The following PPP2R2B variants were observed in gnomAD, a reference collection of about 807,000 sequenced individuals.
PPP2R2B encodes protein phosphatase 2 regulatory subunit Bbeta, also known as serine/threonine-protein phosphatase 2A 55 kDa regulatory subunit B beta isoform.
A neutral mutation model predicts 46.0 loss-of-function variants in PPP2R2B; 5 were observed. The observed-to-expected ratio is 0.11, with a 90% confidence interval of 0.06 to 0.23. PPP2R2B has a LOEUF of 0.23. Among genes scored for constraint, PPP2R2B ranks in the 10% least tolerant of loss-of-function variants. The pLI is 1.00. For synonymous variants in PPP2R2B, 215 were observed against 206.7 expected (o/e 1.04, Z -0.34); for missense variants, 367 against 575.0 (o/e 0.64, Z 3.70).
intron 2 of PPP2R2B, among the ~76,000 whole-genome samples, chr5:146,776,637 A>G (rs928736070): frequency 2.6e-5 from 4 of 152,154 alleles, no homozygotes; most frequent in Non-Finnish European, 5.9e-5. Context: ...AATAACAAAA[A>G]TATATAAAAT....
At chr5:146,950,984 A>G (rs1274643395) in intron 1 of PPP2R2B, among the ~76,000 whole-genome samples, 2 of 152,062 alleles carry the variant, frequency 1.3e-5, no homozygotes, top group Non-Finnish European at 2.9e-5. Context: ...CTATGATGGT[A>G]TACAACCTCA....
rs140273606 is a variant in PPP2R2B, at chr5:147,010,797, C to T, written c.79+44868G>A. ...CCCTGATCTAGACTCCTCTATGTGT[C>T]TCACACTTACTCCATATCCAGTTGG... On this transcript the variant is annotated intron_variant, in intron 1 of 8. Coordinates refer to the PPP2R2B transcript ENST00000336640. Among the ~76,000 whole-genome samples the T allele has an allele frequency of 3.8e-3, 582 of 152,186 alleles. 2 individuals are homozygous for T. The highest frequency in any genetic ancestry group is 5.7e-3 in the Non-Finnish European group (387 of 68,014).
At chr5:146,781,967 G>T (rs1174190786) in intron 2 of PPP2R2B, among the ~76,000 whole-genome samples, 1 of 152,184 alleles carries the variant, frequency 6.6e-6, no homozygotes, top group East Asian at 1.9e-4. Flanking sequence ...GGCAGTTTCT[G>T]TTGAATGGTT....
chr5:146,688,276 T>C lies in PPP2R2B; in HGVS notation c.447+2852A>G, dbSNP rs1778631100. On this transcript the variant is annotated intron_variant, in intron 5 of 9. Coordinates refer to ENST00000394411, the MANE Select transcript of PPP2R2B (RefSeq NM_181675.4). The stretch of plus-strand genomic sequence containing the variant: ...TATAACAGAGGTTATATAGCAAATA[T>C]AACATGTCTCTCCAAAAAATAACAG... Among the ~76,000 whole-genome samples the C allele has an allele frequency of 3.3e-5, 5 of 151,760 alleles. No homozygotes were observed. In the South Asian group the frequency reaches 1.0e-3, roughly 32 times the overall value.
intron 1 of PPP2R2B, among the ~76,000 whole-genome samples, chr5:146,954,822 G>A (rs1125900): frequency 0.15 from 22,355 of 150,762 alleles, 2,206 homozygotes; most frequent in East Asian, 0.4. Context: ...TGATACTACT[G>A]AGTGTTTCCT....
chr5:146,742,602 A>C (rs1752944565), intron 2 of PPP2R2B, among the ~76,000 whole-genome samples: 1 of 152,204 alleles, frequency 6.6e-6, no homozygotes, highest in South Asian at 2.1e-4. Flanking sequence ...GTATAAAGGA[A>C]ACTATGAAAA....
intron 1 of PPP2R2B, among the ~76,000 whole-genome samples, chr5:146,903,741 T>A (rs1328773164): frequency 6.6e-6 from 1 of 152,132 alleles, no homozygotes; most frequent in Non-Finnish European, 1.5e-5. Flanking sequence ...TGCTTTAAAA[T>A]CAGATTGACC....
chr5:147,076,510 T>TAA (rs1184596805), intron 2 of PPP2R2B, among the ~76,000 whole-genome samples: 1 of 152,204 alleles, frequency 6.6e-6, no homozygotes, highest in African/African-American at 2.4e-5. Context: ...TTTTATTGGT[T>TAA]AAATTTAAAC....
chr5:146,816,645 T>C (rs145633155), intron 2 of PPP2R2B, among the ~76,000 whole-genome samples: 51 of 152,338 alleles, frequency 3.3e-4, no homozygotes, highest in African/African-American at 1.2e-3. Flanking sequence ...GACTGCATTG[T>C]CCAAAAATTA....
intron 2 of PPP2R2B, among the ~76,000 whole-genome samples, chr5:146,709,937 G>A (rs116207647): frequency 1.6e-4 from 25 of 152,214 alleles, no homozygotes; most frequent in Admixed American, 7.8e-4. Flanking sequence ...ACAGGGCCAG[G>A]TTATTAATGC....
At chr5:146,951,354 T>A (rs556655501) in intron 1 of PPP2R2B, among the ~76,000 whole-genome samples, 1 of 152,132 alleles carries the variant, frequency 6.6e-6, no homozygotes, top group African/African-American at 2.4e-5. Context: ...ATGCCTTTTT[T>A]TTTTAAAAAT....
intron 1 of PPP2R2B, among the ~76,000 whole-genome samples, chr5:146,911,910 A>G (rs1351415143): frequency 6.6e-6 from 1 of 152,208 alleles, no homozygotes; most frequent in Admixed American, 6.5e-5. Flanking sequence ...ACATGCACAA[A>G]GCTCTGATTT....
chr5:146,644,888 A>ATGCCTCTGTCCCTTTGC (rs1213446268), intron 6 of PPP2R2B, among the ~76,000 whole-genome samples: 2 of 152,222 alleles, frequency 1.3e-5, no homozygotes, highest in African/African-American at 4.8e-5. Context: ...TGACTTTCAT[A>ATGCCTCTGTCCCTTTGC]TGCCTCTGTC....
intron 2 of PPP2R2B, among the ~76,000 whole-genome samples, chr5:146,738,340 G>A (rs1752665144): frequency 6.9e-6 from 1 of 145,270 alleles, no homozygotes; most frequent in African/African-American, 2.6e-5. Context: ...AGCTTGCAGT[G>A]AGCCGAGATC....
At chr5:146,745,204 GAGAAA>G (rs1753113931) in intron 2 of PPP2R2B, among the ~76,000 whole-genome samples, 3 of 55,590 alleles carry the variant, frequency 5.4e-5, no homozygotes, top group Non-Finnish European at 1.4e-4. Context: ...GAGAGAGAGA[GAGAAA>G]GAGACTATAA....
intron 1 of PPP2R2B, among the ~76,000 whole-genome samples, chr5:147,028,918 G>T (rs1034741901): frequency 2.6e-5 from 4 of 152,126 alleles, no homozygotes; most frequent in African/African-American, 9.7e-5. Flanking sequence ...TGCATTTCCT[G>T]ATAATAGAAT....
At chr5:146,756,550 T>C (rs191534963) in intron 2 of PPP2R2B, among the ~76,000 whole-genome samples, 31 of 152,314 alleles carry the variant, frequency 2.0e-4, no homozygotes, top group African/African-American at 7.5e-4. Flanking sequence ...AGTTAAAAGG[T>C]AGCCTCTGGG....
intron 2 of PPP2R2B, among the ~76,000 whole-genome samples, chr5:146,715,297 G>A (rs998198318): frequency 1.3e-5 from 2 of 152,114 alleles, no homozygotes; most frequent in African/African-American, 4.8e-5. Context: ...ATGACTACAG[G>A]TAGAGAATTG....
intron 1 of PPP2R2B, among the ~76,000 whole-genome samples, chr5:146,956,464 C>G (rs1217523384): frequency 6.6e-6 from 1 of 152,144 alleles, no homozygotes; most frequent in Non-Finnish European, 1.5e-5. Flanking sequence ...AAGATTTGAT[C>G]TTGGGGAAAA....
Sources: gnomAD v4.1 joint callset for allele counts (sites outside exome capture counted in the v4.1 genomes callset) on GRCh38, gnomAD v4.1.1 for gene constraint, MANE v1.5 for transcripts, NCBI Gene and HGNC (gene_info 2026-07-23, HGNC 2026-07-21) for gene names.